LGSN: variants seen among roughly 807,000 people sequenced by gnomAD.
LGSN encodes the protein lengsin, lens protein with glutamine synthetase domain.
In LGSN, 21 loss-of-function variants were observed where a neutral mutation model predicts 19.5. The observed-to-expected ratio is 1.07, with a 90% CI of 0.76 to 1.55. LGSN has a LOEUF of 1.55. Ranked by LOEUF, LGSN falls within the 40% of genes most tolerant of loss-of-function variation. LGSN has a pLI of 0.00. For missense variants in LGSN, 673 were observed against 608.5 expected (o/e 1.11, Z -1.12); for synonymous variants, 257 against 215.6 (o/e 1.19, Z -1.68).
the LGSN span, among the ~76,000 whole-genome samples, chr6:63,563,153 CTCTAGGGCCT>C: frequency 6.6e-6 from 1 of 152,342 alleles, no homozygotes; most frequent in East Asian, 1.9e-4. Flanking sequence ...AATAATTCTA[CTCTAGGGCCT>C]TCTCCAATCC....
At chr6:63,364,795 C>A in the LGSN span, among the ~76,000 whole-genome samples, 1 of 152,164 alleles carries the variant, frequency 6.6e-6, no homozygotes, top group East Asian at 1.9e-4. Context: ...TTCAAAACTG[C>A]TCAACTACAT....
the LGSN span, among the ~76,000 whole-genome samples, chr6:63,425,149 T>C: frequency 6.6e-6 from 1 of 152,182 alleles, no homozygotes; most frequent in African/African-American, 2.4e-5. Flanking sequence ...GGAGAAACTG[T>C]ATCACTCACA....
intron 1 of LGSN, among the ~76,000 whole-genome samples, chr6:63,303,313 T>A (rs1167454277): frequency 6.6e-6 from 1 of 152,206 alleles, no homozygotes; most frequent in Non-Finnish European, 1.5e-5. Flanking sequence ...AGAAGGCTAA[T>A]GCAATAACAA....
At chr6:63,553,247 C>G in the LGSN span, among the ~76,000 whole-genome samples, 1 of 152,302 alleles carries the variant, frequency 6.6e-6, no homozygotes, top group African/African-American at 2.4e-5. Flanking sequence ...GATGTCAAAG[C>G]TCTGCTTTTA....
At chr6:63,412,442 GCAAGAAAGAAAGAAAGAAAGAAAA>G in the LGSN span, among the ~76,000 whole-genome samples, 2 of 124,394 alleles carry the variant, frequency 1.6e-5, no homozygotes, top group African/African-American at 7.3e-5. Flanking sequence ...AAGAAAGAAA[GCAAGAAAGAAAGAAAGAAAGAAAA>G]AGAGAGAGAA....
the LGSN span, among the ~76,000 whole-genome samples, chr6:63,340,623 T>TC: frequency 1.3e-5 from 2 of 151,954 alleles, no homozygotes; most frequent in African/African-American, 4.8e-5. Context: ...GGCTTTTTTT[T>TC]TTAATGATAT....
chr6:63,567,529 C>T, the LGSN span, among the ~76,000 whole-genome samples: 1 of 152,186 alleles, frequency 6.6e-6, no homozygotes, highest in South Asian at 2.1e-4. Flanking sequence ...GTGAGCCATG[C>T]TAAACAGATG....
At chr6:63,454,595 C>A in the LGSN span, among the ~76,000 whole-genome samples, 1 of 150,922 alleles carries the variant, frequency 6.6e-6, no homozygotes, top group South Asian at 2.1e-4. Context: ...CCTCAGCTTC[C>A]CAAGTAGCTG....
the LGSN span, among the ~76,000 whole-genome samples, chr6:63,390,673 G>A: frequency 2.6e-5 from 4 of 151,072 alleles, no homozygotes; most frequent in Non-Finnish European, 5.9e-5. Flanking sequence ...TGGCTAACAC[G>A]GTGAAACCCC....
the LGSN span, among the ~76,000 whole-genome samples, chr6:63,551,576 G>A: frequency 6.6e-6 from 1 of 151,924 alleles, no homozygotes; most frequent in South Asian, 2.1e-4. Context: ...TAGGGTACAT[G>A]TGCACAATGT....
the LGSN span, among the ~76,000 whole-genome samples, chr6:63,405,094 T>C: frequency 1.3e-5 from 2 of 151,738 alleles, no homozygotes; most frequent in East Asian, 3.9e-4. Context: ...CTGAGAATGA[T>C]GATTTCCAAT....
At chr6:63,374,820 A>G in the LGSN span, among the ~76,000 whole-genome samples, 1 of 152,238 alleles carries the variant, frequency 6.6e-6, no homozygotes, top group Non-Finnish European at 1.5e-5. Flanking sequence ...CCTGATAACA[A>G]AACCTACACC....
intron 2 of LGSN, among the ~76,000 whole-genome samples, chr6:63,289,200 C>T (rs924934557): frequency 2.6e-5 from 4 of 152,170 alleles, no homozygotes; most frequent in African/African-American, 7.2e-5. Flanking sequence ...ATGAATACAT[C>T]CTGTGTGATT....
chr6:63,456,346 AATATACATATATATATATATATATAT>A, the LGSN span, among the ~76,000 whole-genome samples: 246 of 100,500 alleles, frequency 2.4e-3, 15 homozygotes, highest in African/African-American at 7.8e-3. Flanking sequence ...ACTTGGCAGA[AATATACATATATATATATATATATAT>A]ATATATATAT....
chr6:63,373,112 C>G, the LGSN span, among the ~76,000 whole-genome samples: 1 of 152,198 alleles, frequency 6.6e-6, no homozygotes, highest in African/African-American at 2.4e-5. Flanking sequence ...GTAAAGCTGG[C>G]TGACATCCCT....
At chr6:63,440,547 TC>T in the LGSN span, among the ~76,000 whole-genome samples, 1 of 152,182 alleles carries the variant, frequency 6.6e-6, no homozygotes, top group East Asian at 1.9e-4. Context: ...ACAATTTCCT[TC>T]CTGTATAGAG....
chr6:63,369,222 G>A, the LGSN span, among the ~76,000 whole-genome samples: 2 of 152,178 alleles, frequency 1.3e-5, no homozygotes, highest in Non-Finnish European at 2.9e-5. Flanking sequence ...CTTGCAATAT[G>A]TATACTTGCT....
chr6:63,429,067 G>A, the LGSN span, among the ~76,000 whole-genome samples: 9 of 152,112 alleles, frequency 5.9e-5, no homozygotes, highest in Non-Finnish European at 1.2e-4. Context: ...GTCTTTGCTA[G>A]ACATTACATG....
chr6:63,308,574 GT>G (rs1768490656), intron 1 of LGSN, among the ~76,000 whole-genome samples: 1 of 148,978 alleles, frequency 6.7e-6, no homozygotes, highest in African/African-American at 2.5e-5. Flanking sequence ...TATTGATTTA[GT>G]TTTAATTTTC....
Sources: gnomAD v4.1 joint callset for allele counts (sites outside exome capture counted in the v4.1 genomes callset) on GRCh38, gnomAD v4.1.1 for gene constraint, MANE v1.5 for transcripts, NCBI Gene and HGNC (gene_info 2026-07-23, HGNC 2026-07-21) for gene names.